Variants in C16orf46 observed in about 807,000 individuals in gnomAD.
C16orf46 encodes the protein uncharacterized protein C16orf46.
C16orf46 carries 7 observed loss-of-function variants against 5.5 expected under a neutral mutation model. The observed-to-expected ratio is 1.28, with a 90% CI of 0.73 to 2.40. The LOEUF is 2.40. Among genes scored for constraint, C16orf46 ranks in the 30% most tolerant of loss-of-function variants. The pLI is 0.00. For synonymous variants in C16orf46, 200 were observed against 184.1 expected, an observed-to-expected ratio of 1.09 and a Z score of -0.70; for missense variants, 614 against 476.0, an observed-to-expected ratio of 1.29 and a Z score of -2.70.
intron 3 of C16orf46, 53 bp from the exon 4 acceptor site, chr16:81,062,191 T>C (rs1971506797): frequency 9.6e-6 from 14 of 1,457,910 alleles, no homozygotes; most frequent in Non-Finnish European, 1.3e-5. Context: ...AAACTGTCCT[T>C]GCCCCAATTT....
intron 3 of C16orf46, among the ~76,000 whole-genome samples, chr16:81,063,004 G>A (rs914676641): frequency 3.3e-5 from 5 of 151,184 alleles, no homozygotes; most frequent in Non-Finnish European, 5.9e-5. Flanking sequence ...CCAGCACTTT[G>A]GGAGGCTGAG....
At chr16:81,056,604 G>A (rs925441198), downstream of C16orf46, among the ~76,000 whole-genome samples, 28 of 149,794 alleles carry the variant, frequency 1.9e-4, no homozygotes, top group Admixed American at 1.8e-3. Context: ...GCTGAGGCAG[G>A]AGAATCACTT....
chr16:81,056,133 G>GTGTATCCCACAAAGTATTGGC (rs1269530576), downstream of C16orf46: 1 of 152,226 alleles, frequency 6.6e-6, no homozygotes, highest in African/African-American at 2.4e-5. Context: ...GCTTGCTAAG[G>GTGTATCCCACAAAGTATTGGC]TGTATCCCAC....
At chr16:81,066,693 G>A (rs996500414) in intron 1 of C16orf46, among the ~76,000 whole-genome samples, 8 of 152,108 alleles carry the variant, frequency 5.3e-5, no homozygotes, top group Non-Finnish European at 1.2e-4. Flanking sequence ...ATATTTTCTG[G>A]TAGTAAAATT....
intron 2 of C16orf46, among the ~76,000 whole-genome samples, chr16:81,065,689 C>G (rs1050963242): frequency 6.6e-6 from 1 of 152,136 alleles, no homozygotes. Context: ...CTTGCTTTCT[C>G]TCAGCCAGAC....
intron 2 of C16orf46, among the ~76,000 whole-genome samples, chr16:81,065,329 C>T (rs1971621468): frequency 6.6e-6 from 1 of 152,046 alleles, no homozygotes; most frequent in Non-Finnish European, 1.5e-5. Flanking sequence ...AAAAAGTTAG[C>T]CAGGTGTGGT....
At chr16:81,066,955 G>T (rs894999059) in intron 1 of C16orf46, among the ~76,000 whole-genome samples, 9 of 152,184 alleles carry the variant, frequency 5.9e-5, no homozygotes, top group Admixed American at 1.3e-4. Flanking sequence ...AAATATGTAG[G>T]CCAGAAGGTA....
intron 1 of C16orf46, among the ~76,000 whole-genome samples, chr16:81,070,624 A>G (rs932039096): frequency 9.9e-5 from 15 of 152,220 alleles, no homozygotes; most frequent in African/African-American, 2.7e-4. Flanking sequence ...TGGATCATAG[A>G]TTATAAATAT....
At chr16:81,068,863 G>C (rs969727105) in intron 1 of C16orf46, among the ~76,000 whole-genome samples, 1 of 151,606 alleles carries the variant, frequency 6.6e-6, no homozygotes, top group Admixed American at 6.6e-5. Flanking sequence ...CACCACGCCC[G>C]GCTAATTTTT....
intron 2 of C16orf46, 127 bp from the exon 3 acceptor site, chr16:81,064,120 C>T: frequency 1.8e-6 from 1 of 550,266 alleles, no homozygotes; most frequent in South Asian, 2.3e-5. Context: ...TGGCTCATGC[C>T]TGTAATTCCA....
At chr16:81,055,517 A>C (rs1460569824) in intron 3 of C16orf46, 1 of 150,058 alleles carries the variant, frequency 6.7e-6, no homozygotes, top group Non-Finnish European at 1.5e-5. Context: ...AACATGGCAA[A>C]ACCCGTCTCT....
chr16:81,068,190 C>G (rs567101804), intron 1 of C16orf46, among the ~76,000 whole-genome samples: 2 of 152,288 alleles, frequency 1.3e-5, no homozygotes, highest in African/African-American at 4.8e-5. Context: ...GTTAATGTAG[C>G]TTTAACACCC....
chr16:81,060,491 G>C (rs980183762), downstream of C16orf46: 1 of 152,480 alleles, frequency 6.6e-6, no homozygotes, highest in Non-Finnish European at 1.5e-5. Context: ...TATTACTTTA[G>C]TAGAGACAGG....
At position 81,061,788 on chromosome 16, in the gene C16orf46, C is replaced by T. The variant is rs1480260414; in HGVS notation, c.561G>A (p.Gly187=). Residue 187 remains glycine, a synonymous_variant, in exon 4 of 4, where the codon GGG becomes GGA. Transcript: ENST00000299578. ...IPGTNRGKAS[G]NPSGGAHRGL... ...CTCTGTGGGCCCCTCCACTGGGATT[C>T]CCAGAGGCCTTGCCCCTATTAGTGC... The T allele has an allele frequency of 6.2e-7, 1 of 1,613,808 alleles. No individual in the cohort carries two copies. The highest frequency in any genetic ancestry group is 2.2e-5 in the East Asian group (1 of 44,882).
At chr16:81,069,225 G>A (rs1339855224) in intron 1 of C16orf46, among the ~76,000 whole-genome samples, 1 of 152,064 alleles carries the variant, frequency 6.6e-6, no homozygotes, top group Non-Finnish European at 1.5e-5. Context: ...CGTCAGTCTC[G>A]ACTACCTAGC....
intron 2 of C16orf46, 148 bp downstream of exon 2, chr16:81,066,045 C>G (rs1971646199): frequency 6.6e-6 from 1 of 151,882 alleles, no homozygotes; most frequent in African/African-American, 2.4e-5. Flanking sequence ...GTCACCGTGC[C>G]TGGCCAACAC....
At chr16:81,059,235 C>T (rs553786588), downstream of C16orf46, among the ~76,000 whole-genome samples, 5 of 145,916 alleles carry the variant, frequency 3.4e-5, no homozygotes, top group East Asian at 2.1e-4. Context: ...GCATGAGAAT[C>T]GCTTGAACCC....
chr16:81,064,379 A>G (rs1280113141), intron 2 of C16orf46, among the ~76,000 whole-genome samples: 2 of 151,866 alleles, frequency 1.3e-5, no homozygotes, highest in Non-Finnish European at 1.5e-5. Flanking sequence ...AAAAAAGAAA[A>G]GAAAGAAAGA....
rs578031793 is a variant in C16orf46, at chr16:81,067,585, C to T, written c.-127-1304G>A. On this transcript the variant is annotated intron_variant, in intron 1 of 3. Coordinates refer to ENST00000299578, the MANE Select transcript of C16orf46 (RefSeq NM_152337.3). ...TTGTTTTTTTGTTTTGAGACACTCG[C>T]TCTGTTGCCCAGGTTGGAGTACAAT... 9.2e-5 allele frequency among the ~76,000 whole-genome samples: 14 copies of T among 152,268 alleles called. No individual in the cohort carries two copies. The South Asian group carries it at 2.7e-3, about 29-fold the overall frequency.
Sources: allele counts gnomAD v4.1 joint callset (sites outside exome capture counted in the v4.1 genomes callset), GRCh38; gene constraint gnomAD v4.1.1; transcripts MANE v1.5; gene names NCBI Gene and HGNC (gene_info 2026-07-23, HGNC 2026-07-21).